CCKBR: variants seen among roughly 807,000 people sequenced by gnomAD.
The protein encoded by CCKBR is gastrin/cholecystokinin type B receptor.
In CCKBR, 33 loss-of-function variants were observed where a neutral mutation model predicts 34.6. That is an observed-to-expected ratio of 0.95 (90% confidence interval 0.72 to 1.27). The LOEUF (loss-of-function observed/expected upper bound fraction) is 1.27. Ranked by LOEUF, CCKBR falls within the 50% of genes most tolerant of loss-of-function variation. The probability of loss-of-function intolerance (pLI) is 0.00; values close to 1 mark genes in which losing one functional copy is unlikely to be tolerated. For missense variants in CCKBR, 652 were observed against 617.4 expected (o/e 1.06, Z -0.59); for synonymous variants, 269 against 267.5 (o/e 1.01, Z -0.06).
In CCKBR at chr11:6,264,562, C is replaced by G. The variant is rs1418567369; in HGVS notation, c.151+4483C>G. ...CGCCTGGTCTGATGCCAGTTTTCCT[C>G]ATCCCCAGGAAGATGATGAGATGAT... On this transcript the variant is annotated intron_variant, in intron 1 of 4. Transcript: ENST00000334619. 3 of 700,726 alleles carry G rather than the reference C, an allele frequency of 4.3e-6. No homozygotes were observed. In the African/African-American group the frequency reaches 5.2e-5, roughly 12 times the overall value. 43.4% of individuals were successfully genotyped at this position (700,726 alleles called of 1,614,324 possible). A position where few individuals can be genotyped will look rare whatever the true frequency, so the allele number is the denominator to read the frequency against.
In CCKBR at chr11:6,270,334, C is replaced by T; in HGVS notation, c.650C>T (p.Thr217Ile). ...HRWPSARVRQTWSVLLLLLLF... is the reference protein window; with the variant it reads ...HRWPSARVRQIWSVLLLLLLF... ...TGGCCCAGTGCGCGGGTCCGCCAGA[C>T]CTGGTGAGCTTGCCCATAAACTATC... is the stretch of plus-strand genomic sequence containing the variant. Residue 217 changes from threonine (T) to isoleucine (I), a missense_variant, in exon 3 of 5, where the codon ACC becomes ATC. By Grantham distance (89) the Thr-to-Ile change is moderately conservative. Transcript: ENST00000334619. 1 of 1,610,418 alleles carries T rather than the reference C, an allele frequency of 6.2e-7. No individual in the cohort carries two copies. The highest frequency in any genetic ancestry group is 8.5e-7 in the Non-Finnish European group (1 of 1,178,166).
chr11:6,265,918 C>T (rs536002562), intron 1 of CCKBR, among the ~76,000 whole-genome samples: 5 of 152,170 alleles, frequency 3.3e-5, no homozygotes, highest in South Asian at 2.1e-4. Context: ...GCAGAGATGA[C>T]GGATGGATGA....
intron 1 of CCKBR, chr11:6,264,340 C>A (rs1296719711): frequency 5.3e-6 from 3 of 566,284 alleles, no homozygotes; most frequent in Non-Finnish European, 3.1e-6. Context: ...CAGATCAAAC[C>A]TGCCAGTAGA....
chr11:6,261,462 T>TATACACACACACACACAC (rs764173521), intron 1 of CCKBR, among the ~76,000 whole-genome samples: 1 of 64,010 alleles, frequency 1.6e-5, no homozygotes, highest in African/African-American at 6.0e-5. Flanking sequence ...AAAATATATA[T>TATACACACACACACACAC]ACACACACAC....
rs1362724281 is a variant in CCKBR at position 6,270,355 on chromosome 11, C to T, written c.653+18C>T. On this transcript the variant is annotated intron_variant, in intron 3 of 4. Transcript: ENST00000334619. Reference sequence around the variant, plus strand: ...CAGACCTGGTGAGCTTGCCCATAAACTATCCTAGGAATTCCTTTCTCACCC... The same window carrying T: ...CAGACCTGGTGAGCTTGCCCATAAATTATCCTAGGAATTCCTTTCTCACCC... 1 of 1,604,912 alleles carries T rather than the reference C, an allele frequency of 6.2e-7. No individual in the cohort carries two copies. Among genetic ancestry groups the T allele is most frequent in the Non-Finnish European group, 8.5e-7 (1 of 1,174,804 alleles).
At chr11:6,270,516 C>A (rs745483906) in intron 3 of CCKBR, 130 bp from the exon 4 acceptor site, 17 of 1,349,388 alleles carry the variant, frequency 1.3e-5, no homozygotes, top group African/African-American at 1.5e-5. Flanking sequence ...CCCTTCCCAG[C>A]GGCACCCCCA....
At chr11:6,267,248 CTT>C (rs1212635707) in intron 1 of CCKBR, among the ~76,000 whole-genome samples, 3 of 152,048 alleles carry the variant, frequency 2.0e-5, no homozygotes, top group Non-Finnish European at 4.4e-5. Context: ...CTTTTTGACT[CTT>C]TTGTAATAAC....
At chr11:6,264,702 C>A in intron 1 of CCKBR, 1 of 572,758 alleles carries the variant, frequency 1.7e-6, no homozygotes, top group South Asian at 2.2e-5. Context: ...CACTCATATT[C>A]CACCATGCAA....
At chr11:6,270,888 T>A in intron 4 of CCKBR, 85 bp downstream of exon 4, 1 of 1,611,150 alleles carries the variant, frequency 6.2e-7, no homozygotes, top group Non-Finnish European at 8.5e-7. Context: ...GGGACTGAAA[T>A]GAAGGTGAGG....
chr11:6,262,614 G>A (rs1403623510), intron 1 of CCKBR, among the ~76,000 whole-genome samples: 1 of 151,732 alleles, frequency 6.6e-6, no homozygotes, highest in Non-Finnish European at 1.5e-5. Context: ...GATTGGACTG[G>A]TGAGAGAAGG....
Position 6,269,721 on chromosome 11 carries a change from C to A in CCKBR, c.204C>A (p.Ser68Arg), listed in dbSNP as rs370954149. The stretch of plus-strand genomic sequence containing the variant: ...TTTACGCAGTGATCTTCCTGATGAG[C>A]GTTGGAGGAAATATGCTCATCATCG... Reference protein sequence around the residue: ...ITLYAVIFLMSVGGNMLIIVV... With the variant: ...ITLYAVIFLMRVGGNMLIIVV... Residue 68 changes from serine (S) to arginine (R), a missense_variant, in exon 2 of 5, where the codon AGC becomes AGA. Physicochemically the swap from Ser to Arg is moderately radical, Grantham distance 110 (BLOSUM62 -1). Coordinates refer to ENST00000334619, the MANE Select transcript of CCKBR (RefSeq NM_176875.4). 6.2e-7 allele frequency: 1 copy of A among 1,613,904 alleles called. No individual in the cohort carries two copies. Among genetic ancestry groups the A allele is most frequent in the Non-Finnish European group, 8.5e-7 (1 of 1,179,982 alleles).
chr11:6,271,765 T>C lies in CCKBR; in HGVS notation c.*222T>C, dbSNP rs201938413. 51 of 519,916 alleles carry C rather than the reference T, an allele frequency of 9.8e-5. No homozygotes were observed. The highest frequency in any genetic ancestry group is 8.8e-4 in the African/African-American group (46 of 52,224). 32.2% of individuals were successfully genotyped at this position (519,916 alleles called of 1,614,324 possible). On this transcript the variant is annotated 3_prime_UTR_variant, in exon 5 of 5. Coordinates refer to ENST00000334619, the MANE Select transcript of CCKBR (RefSeq NM_176875.4). ...CTGATATGGGACTGAGCCTGGCCCATAGAAACATGACACTGACCTTGGAGA... is the reference window on the plus strand; with the variant it reads ...CTGATATGGGACTGAGCCTGGCCCACAGAAACATGACACTGACCTTGGAGA...
At chr11:6,260,272 A>C (rs929769225) in intron 1 of CCKBR, among the ~76,000 whole-genome samples, 193 bp downstream of exon 1, 1 of 150,778 alleles carries the variant, frequency 6.6e-6, no homozygotes, top group African/African-American at 2.5e-5. Context: ...ACAGCTTCAC[A>C]CCACCTGGTC....
intron 3 of CCKBR, 114 bp downstream of exon 3, chr11:6,270,451 A>G (rs1426728169): frequency 1.4e-6 from 2 of 1,441,576 alleles, no homozygotes; most frequent in African/African-American, 1.4e-5. Context: ...GCCAACTCCT[A>G]TTCTGCATCC....
rs766224470 is a variant in CCKBR, at chr11:6,259,976, G to T, written c.48G>T (p.Gly16=). ...GGAGCGTGCAGGGAACCGGACCCGGGCCGGGGGCTTCCCTGTGCCGCCCGG... is the reference window on the plus strand; with the variant it reads ...GGAGCGTGCAGGGAACCGGACCCGGTCCGGGGGCTTCCCTGTGCCGCCCGG... ...LNRSVQGTGP[G]PGASLCRPGA... Residue 16 remains glycine (G), a synonymous_variant, in exon 1 of 5, where the codon GGG becomes GGT. Coordinates refer to ENST00000334619, the MANE Select transcript of CCKBR (RefSeq NM_176875.4). The T allele has an allele frequency of 1.9e-6, 3 of 1,561,388 alleles. No homozygotes were observed. Among genetic ancestry groups the T allele is most frequent in the South Asian group, 2.3e-5 (2 of 85,324 alleles).
intron 1 of CCKBR, among the ~76,000 whole-genome samples, chr11:6,269,100 G>A (rs1305107878): frequency 6.6e-6 from 1 of 150,946 alleles, no homozygotes; most frequent in Non-Finnish European, 1.5e-5. Context: ...CTTCTGGGAG[G>A]ATCTTGATGA....
At chr11:6,264,737 A>G (rs5789455) in intron 1 of CCKBR, 13 of 508,790 alleles carry the variant, frequency 2.6e-5, no homozygotes, top group Middle Eastern at 4.8e-4. Context: ...ACACACACAC[A>G]CACACACGCA....
rs1330480408 is a variant in CCKBR at position 6,271,311 on chromosome 11, C to G, written c.1112C>G (p.Pro371Arg). The change falls in exon 5 of 5, where the codon CCT becomes CGT. Residue 371 changes from proline to arginine, a missense_variant. Physicochemically the swap from Pro to Arg is moderately radical, Grantham distance 103 (BLOSUM62 -2). Transcript: ENST00000334619. ...GCACACCGAGCACTCTCGGGTGCTC[C>G]TATCTCCTTCATTCACTTGCTGAGC... is the stretch of plus-strand genomic sequence containing the variant. ...PGAHRALSGAPISFIHLLSYA... is the reference protein window; with the variant it reads ...PGAHRALSGARISFIHLLSYA... 5 of 1,614,224 alleles carry G rather than the reference C, an allele frequency of 3.1e-6. No individual in the cohort carries two copies. In the East Asian group the frequency reaches 1.1e-4, roughly 36 times the overall value.
chr11:6,269,678 T>C lies in CCKBR; in HGVS notation c.161T>C (p.Leu54Pro). 6.2e-7 allele frequency: 1 copy of C among 1,613,522 alleles called. No individual in the cohort carries two copies. Among genetic ancestry groups the C allele is most frequent in the Non-Finnish European group, 8.5e-7 (1 of 1,179,928 alleles). Residue 54 changes from leucine to proline, a missense_variant, in exon 2 of 5, where the codon CTG becomes CCG. Leu to Pro is a moderately conservative substitution (Grantham distance 98, BLOSUM62 -3). Transcript: ENST00000334619. ...IRGAGTRELELAIRITLYAVI... is the reference protein window; with the variant it reads ...IRGAGTRELEPAIRITLYAVI... The stretch of plus-strand genomic sequence containing the variant: ...CCCTTTTCTTACCCAGAATTGGAGC[T>C]GGCCATTAGAATCACTCTTTACGCA...
Sources: allele counts gnomAD v4.1 joint callset (sites outside exome capture counted in the v4.1 genomes callset), GRCh38; gene constraint gnomAD v4.1.1; transcripts MANE v1.5; gene names NCBI Gene and HGNC (gene_info 2026-07-23, HGNC 2026-07-21).